The following NEBL variants were observed in gnomAD, a reference collection of about 807,000 sequenced individuals.
The protein encoded by NEBL is nebulette.
A neutral mutation model predicts 140.2 loss-of-function variants in NEBL; 122 were observed. That is an observed-to-expected ratio of 0.87 (90% CI 0.75 to 1.01). The LOEUF is 1.01. Among genes scored for constraint, NEBL ranks in the 50% least tolerant of loss-of-function variants. The probability of loss-of-function intolerance (pLI) is 0.00; values close to 1 mark genes in which losing one functional copy is unlikely to be tolerated. For synonymous variants in NEBL, 436 were observed against 398.9 expected (o/e 1.09, Z -1.11); for missense variants, 1,365 against 1,231.3 (o/e 1.11, Z -1.62).
chr10:20,823,095 T>C (rs1332748131), intron 19 of NEBL, 113 bp downstream of exon 19: 5 of 761,222 alleles, frequency 6.6e-6, no homozygotes, highest in African/African-American at 5.3e-5. Flanking sequence ...AAGGAACCGA[T>C]CCTCTCGCAA....
intron 3 of NEBL, among the ~76,000 whole-genome samples, chr10:21,002,192 G>GT (rs1413731945): frequency 1.3e-5 from 2 of 151,416 alleles, no homozygotes; most frequent in Non-Finnish European, 2.9e-5. Flanking sequence ...ATGAAACATT[G>GT]TTTTTTTAAA....
intron 2 of NEBL, among the ~76,000 whole-genome samples, chr10:21,096,043 GC>G (rs1457321166): frequency 6.6e-6 from 1 of 152,152 alleles, no homozygotes; most frequent in Non-Finnish European, 1.5e-5. Context: ...GTGATGCTGT[GC>G]TTTAGGCTTT....
At chr10:20,831,014 C>A in intron 16 of NEBL, 182 bp downstream of exon 16, 3 of 487,746 alleles carry the variant, frequency 6.2e-6, no homozygotes, top group Admixed American at 2.6e-5. Flanking sequence ...TGCATTGAAT[C>A]TATGACTGTT....
At position 21,284,514 on chromosome 10, in the gene NEBL, C is replaced by G. The variant is rs528871898; in HGVS notation, n.182+8316G>C. Among the ~76,000 whole-genome samples the G allele has an allele frequency of 2.0e-5, 3 of 152,176 alleles. No homozygotes were observed. The East Asian group carries it at 5.8e-4, about 29-fold the overall frequency. On this transcript the variant is annotated intron_variant and non_coding_transcript_variant, in intron 1 of 8. Transcript: ENST00000675702. ...CCATCTGTTTGTTCTGGTATTCTAG[C>G]ACTAATTGCCATTCCTGATTTTGTT...
At chr10:21,039,533 T>C (rs887558032) in intron 2 of NEBL, among the ~76,000 whole-genome samples, 1 of 152,198 alleles carries the variant, frequency 6.6e-6, no homozygotes, top group Non-Finnish European at 1.5e-5. Flanking sequence ...TGGTTATAGC[T>C]GTAAAAATTG....
At chr10:21,160,862 G>A (rs1428737129) in intron 2 of NEBL, among the ~76,000 whole-genome samples, 1 of 106,092 alleles carries the variant, frequency 9.4e-6, no homozygotes, top group East Asian at 3.8e-4. Context: ...TATTTCCAGG[G>A]GGAAAAAAAA....
At chr10:21,011,712 T>G (rs1213534408) in intron 3 of NEBL, among the ~76,000 whole-genome samples, 2 of 152,168 alleles carry the variant, frequency 1.3e-5, no homozygotes, top group African/African-American at 4.8e-5. Context: ...AACCCTGTGG[T>G]GTGTTCTTCC....
At chr10:20,983,148 G>A (rs1315833216) in intron 3 of NEBL, among the ~76,000 whole-genome samples, 1 of 152,118 alleles carries the variant, frequency 6.6e-6, no homozygotes, top group Non-Finnish European at 1.5e-5. Flanking sequence ...GCAGCTATCT[G>A]GAGAAGCATG....
At chr10:21,222,334 T>G (rs1224636566) in intron 3 of NEBL, among the ~76,000 whole-genome samples, 1 of 152,086 alleles carries the variant, frequency 6.6e-6, no homozygotes, top group Non-Finnish European at 1.5e-5. Flanking sequence ...AGTTTAATTC[T>G]CACCATTTTT....
chr10:21,198,679 T>C (rs1406437465), intron 3 of NEBL, among the ~76,000 whole-genome samples: 5 of 152,164 alleles, frequency 3.3e-5, no homozygotes, highest in Non-Finnish European at 7.4e-5. Context: ...GCTAGGTTAC[T>C]TGCCTAGTCT....
chr10:21,146,323 C>T (rs779152079), intron 2 of NEBL: 11 of 1,598,342 alleles, frequency 6.9e-6, no homozygotes, highest in South Asian at 4.6e-5. Flanking sequence ...TATAAACCTG[C>T]CCCCAACACA....
intron 11 of NEBL, among the ~76,000 whole-genome samples, chr10:20,848,112 C>T (rs1842123437): frequency 6.6e-6 from 1 of 152,150 alleles, no homozygotes; most frequent in Non-Finnish European, 1.5e-5. Flanking sequence ...ACAATGGCCA[C>T]ATTATCTCTA....
At chr10:21,244,418 G>C (rs1297349243) in intron 3 of NEBL, among the ~76,000 whole-genome samples, 1 of 151,804 alleles carries the variant, frequency 6.6e-6, no homozygotes, top group Non-Finnish European at 1.5e-5. Context: ...TTGGAAGCCT[G>C]AGGCAGGCAG....
At chr10:21,235,181 A>T (rs1842331533) in intron 3 of NEBL, among the ~76,000 whole-genome samples, 2 of 152,198 alleles carry the variant, frequency 1.3e-5, no homozygotes, top group East Asian at 3.9e-4. Flanking sequence ...CTGTAGTCCC[A>T]GCTGCTCGGG....
chr10:21,140,443 T>C (rs1465131762), intron 2 of NEBL, among the ~76,000 whole-genome samples: 1 of 152,198 alleles, frequency 6.6e-6, no homozygotes, highest in Non-Finnish European at 1.5e-5. Context: ...AAAAAGAAGA[T>C]TAGACATATT....
intron 2 of NEBL, among the ~76,000 whole-genome samples, chr10:21,143,373 C>G (rs11012545): frequency 2.8e-3 from 375 of 135,630 alleles, no homozygotes; most frequent in Non-Finnish European, 4.4e-3. Flanking sequence ...AGCTTGAACC[C>G]GGGACGTGGA....
At chr10:20,840,940 G>A (rs1841360211) in intron 12 of NEBL, 91 bp from the exon 13 acceptor site, 2 of 776,864 alleles carry the variant, frequency 2.6e-6, no homozygotes, top group South Asian at 3.0e-5. Context: ...TCACAGAAAT[G>A]AGAAAATATT....
chr10:20,990,187 A>AT (rs1341875027), intron 3 of NEBL, among the ~76,000 whole-genome samples: 1 of 152,174 alleles, frequency 6.6e-6, no homozygotes, highest in Admixed American at 6.6e-5. Context: ...AATTAAAAAC[A>AT]TTTTTTCTAA....
At chr10:20,977,476 T>C (rs1836852358) in intron 3 of NEBL, among the ~76,000 whole-genome samples, 1 of 152,116 alleles carries the variant, frequency 6.6e-6, no homozygotes, top group Non-Finnish European at 1.5e-5. Context: ...CTGAAACTGA[T>C]AACGGCTCAC....
Sources: gnomAD v4.1 joint callset for allele counts (sites outside exome capture counted in the v4.1 genomes callset) on GRCh38, gnomAD v4.1.1 for gene constraint, MANE v1.5 for transcripts, NCBI Gene and HGNC (gene_info 2026-07-23, HGNC 2026-07-21) for gene names.